UTP20: variants seen among roughly 807,000 people sequenced by gnomAD.
UTP20 encodes small subunit processome component 20 homolog.
UTP20 carries 164 observed loss-of-function variants against 329.5 expected under a neutral mutation model. That is an observed-to-expected ratio of 0.50 (90% CI 0.44 to 0.57). The LOEUF (loss-of-function observed/expected upper bound fraction) is 0.57, where lower values mean the gene tolerates loss of function less well. Ranked by LOEUF, UTP20 falls within the 20% of genes least tolerant of loss-of-function variation. The pLI is 0.00. For missense variants in UTP20, 3,055 were observed against 3,284.2 expected, an observed-to-expected ratio of 0.93 and a Z score of 1.71; for synonymous variants, 1,151 against 1,159.3, an observed-to-expected ratio of 0.99 and a Z score of 0.14.
rs183828431 is a variant in UTP20 at position 101,365,527 on chromosome 12, G to A, written c.6027G>A (p.Val2009=). ...KVHETLRRIT[V]GLIVNQEMTA... is the part of the protein sequence containing the mutation. ...ATGAAACTTTACGCCGAATCACAGT[G>A]GGATTAATTGTAAATCAGGAAATGA... is the stretch of plus-strand genomic sequence containing the variant. Residue 2009 remains valine, a synonymous_variant, in exon 46 of 62, where the codon GTG becomes GTA. Coordinates refer to ENST00000261637, the MANE Select transcript of UTP20 (RefSeq NM_014503.3). 2 of 1,612,750 alleles carry A rather than the reference G, an allele frequency of 1.2e-6. No individual in the cohort carries two copies. The highest frequency in any genetic ancestry group is 1.7e-6 in the Non-Finnish European group (2 of 1,179,622).
intron 48 of UTP20, among the ~76,000 whole-genome samples, chr12:101,369,059 T>A (rs1193978011): frequency 2.6e-5 from 4 of 152,246 alleles, no homozygotes; most frequent in African/African-American, 9.6e-5. Flanking sequence ...CACTTAACTA[T>A]ATTAAATGAT....
In UTP20 at chr12:101,362,047, A is replaced by T. The variant is rs1363503291; in HGVS notation, c.5777A>T (p.Asp1926Val). Residue 1926 changes from aspartate (D) to valine (V), a missense_variant, in exon 44 of 62, where the codon GAT becomes GTT. By Grantham distance (152) the Asp-to-Val change is radical (BLOSUM62 -3). This residue lies in a region of UTP20 where 2,445 missense variants were observed against 2,575.5 expected (regional missense o/e 0.95). Coordinates refer to ENST00000261637, the MANE Select transcript of UTP20 (RefSeq NM_014503.3). ...LQVGDLDSCLDIMIEIFNHEL... is the reference protein window; with the variant it reads ...LQVGDLDSCLVIMIEIFNHEL... ...GTCGGAGATTTGGACTCTTGTTTAG[A>T]TATAATGATTGAGGTAAGACTTACA... The T allele has an allele frequency of 6.2e-7, 1 of 1,613,006 alleles. No individual in the cohort carries two copies.
rs766484215 is a variant in UTP20, at chr12:101,373,738, A to G, written c.7102A>G (p.Met2368Val). 1.2e-6 allele frequency: 2 copies of G among 1,612,170 alleles called. No homozygotes were observed. The highest frequency in any genetic ancestry group is 8.5e-7 in the Non-Finnish European group (1 of 1,179,712). ...SLEKKDWLFD[M>V]VTTWFGAKKR... Reference sequence around the variant, plus strand: ...CGAGAAAAAAGATTGGCTGTTTGATATGGTTACCACTTGGTTTGGAGCAAA... The same window carrying G: ...CGAGAAAAAAGATTGGCTGTTTGATGTGGTTACCACTTGGTTTGGAGCAAA... Residue 2368 changes from methionine (M) to valine (V), a missense_variant, in exon 54 of 62, where the codon ATG becomes GTG. Around this residue, in one of 3 missense-constraint regions of UTP20, gnomAD observed 273 missense variants for 363.1 expected, o/e 0.75. Transcript: ENST00000261637.
chr12:101,385,260 C>T (rs1311778814), intron 60 of UTP20, among the ~76,000 whole-genome samples: 2 of 152,132 alleles, frequency 1.3e-5, no homozygotes, highest in African/African-American at 4.8e-5. Context: ...ACTTTAATGT[C>T]TTCAGGGCCA....
At chr12:101,287,476 G>A (rs889054502) in intron 5 of UTP20, among the ~76,000 whole-genome samples, 6 of 152,210 alleles carry the variant, frequency 3.9e-5, no homozygotes, top group African/African-American at 9.7e-5. Flanking sequence ...TTTGCTTTCG[G>A]TGTGACAACT....
At chr12:101,311,333 A>C (rs58803653) in intron 19 of UTP20, among the ~76,000 whole-genome samples, 4,998 of 152,310 alleles carry the variant, frequency 0.033, 303 homozygotes, top group African/African-American at 0.11. Context: ...GTATATTTAA[A>C]TTTGGTGGAG....
In UTP20 at chr12:101,288,986, A is replaced by G. The variant is rs146982196; in HGVS notation, c.542A>G (p.Lys181Arg). The G allele has an allele frequency of 1.1e-3, 1,735 of 1,613,912 alleles. 28 individuals are homozygous for G. In the African/African-American group the frequency reaches 0.019, roughly 18 times the overall value. Residue 181 changes from lysine (K) to arginine (R), a missense_variant, in exon 6 of 62, where the codon AAA becomes AGA. Physicochemically the swap from Lys to Arg is conservative, Grantham distance 26. This residue lies in a region of UTP20 where 2,445 missense variants were observed against 2,575.5 expected (regional missense o/e 0.95). Transcript: ENST00000261637. ...YSMYSTLLAHKKLHIRNFAAE... is the reference protein window; with the variant it reads ...YSMYSTLLAHRKLHIRNFAAE... ...ATGTACAGCACACTCCTGGCTCATA[A>G]AAAACTACATATAAGAAATTTTGCT...
chr12:101,383,091 T>G lies in UTP20; in HGVS notation c.7707T>G (p.Leu2569=). 1 of 1,613,188 alleles carries G rather than the reference T, an allele frequency of 6.2e-7. No homozygotes were observed. The highest frequency in any genetic ancestry group is 1.1e-5 in the South Asian group (1 of 90,848). The change falls in exon 59 of 62, where the codon CTT becomes CTG. Residue 2569 remains leucine, a synonymous_variant. Transcript: ENST00000261637. ...CCAAAGTCTTGTATTTACTGGAACT[T>G]TATTGTGAGGATAAGCAAAGTAAGA... The part of the protein sequence containing the change: ...FAAKVLYLLE[L]YCEDKQSKIK...
intron 21 of UTP20, among the ~76,000 whole-genome samples, chr12:101,316,945 G>A (rs2137256889): frequency 6.6e-6 from 1 of 152,234 alleles, no homozygotes; most frequent in African/African-American, 2.4e-5. Flanking sequence ...TTCATTACAT[G>A]GACATTCAGT....
At chr12:101,380,034 G>A (rs1870591633) in intron 57 of UTP20, among the ~76,000 whole-genome samples, 1 of 152,150 alleles carries the variant, frequency 6.6e-6, no homozygotes, top group Admixed American at 6.5e-5. Flanking sequence ...TGTCTGTCTT[G>A]CCTCCTAATA....
rs766142512 is a variant in UTP20, at chr12:101,379,504, A to C, written c.7530A>C (p.Lys2510Asn). ...IQKWNTKKTK[K>N]HLPEPVAIKF... The stretch of plus-strand genomic sequence containing the variant: ...AATGGAATACCAAAAAGACCAAAAA[A>C]CACCTCCCAGAACCTGTAGCAATCA... The change falls in exon 57 of 62, where the codon AAA becomes AAC. Residue 2510 changes from lysine to asparagine, a missense_variant. Physicochemically the swap from Lys to Asn is moderately conservative, Grantham distance 94. This residue lies in a region of UTP20 where 337 missense variants were observed against 345.5 expected (regional missense o/e 0.98). Transcript: ENST00000261637. The C allele has an allele frequency of 6.2e-7, 1 of 1,614,114 alleles. No individual in the cohort carries two copies. Among genetic ancestry groups the C allele is most frequent in the Non-Finnish European group, 8.5e-7 (1 of 1,179,996 alleles).
chr12:101,292,055 G>A lies in UTP20; in HGVS notation c.1124G>A (p.Gly375Asp), dbSNP rs760523413. ...LLDVISALILGENVSLPETLI... is the reference protein window; with the variant it reads ...LLDVISALILDENVSLPETLI... Reference sequence around the variant, plus strand: ...GATGTAATTTCTGCTTTGATCCTGGGTGAAAATGTTTCCTTGCCGGAGACC... The same window carrying A: ...GATGTAATTTCTGCTTTGATCCTGGATGAAAATGTTTCCTTGCCGGAGACC... The change falls in exon 10 of 62, where the codon GGT becomes GAT. Residue 375 changes from glycine (G) to aspartate (D), a missense_variant. Physicochemically the swap from Gly to Asp is moderately conservative, Grantham distance 94. Around this residue, in one of 3 missense-constraint regions of UTP20, gnomAD observed 2,445 missense variants for 2,575.5 expected, o/e 0.95. Transcript: ENST00000261637. 1 of 1,614,080 alleles carries A rather than the reference G, an allele frequency of 6.2e-7. No homozygotes were observed. Among genetic ancestry groups the A allele is most frequent in the Non-Finnish European group, 8.5e-7 (1 of 1,180,008 alleles).
intron 41 of UTP20, 108 bp from the exon 42 acceptor site, chr12:101,356,446 A>G (rs1268067456): frequency 5.8e-6 from 6 of 1,042,604 alleles, no homozygotes; most frequent in African/African-American, 3.3e-5. Context: ...TCTTTTTATG[A>G]TCATCCATCC....
intron 31 of UTP20, among the ~76,000 whole-genome samples, chr12:101,339,267 C>T (rs987836899): frequency 7.2e-5 from 11 of 152,152 alleles, no homozygotes; most frequent in Admixed American, 3.9e-4. Flanking sequence ...GAGCCGAGAT[C>T]GCGCCACTGC....
intron 41 of UTP20, 122 bp downstream of exon 41, chr12:101,355,240 A>T: frequency 8.8e-7 from 1 of 1,139,640 alleles, no homozygotes; most frequent in Non-Finnish European, 1.2e-6. Context: ...TTTTATCTCA[A>T]CACTTCACAA....
rs200061789 is a variant in UTP20, at chr12:101,357,076, A to T, written c.5685A>T (p.Gly1895=). 6 of 1,606,970 alleles carry T rather than the reference A, an allele frequency of 3.7e-6. No individual in the cohort carries two copies. In the Admixed American group the frequency reaches 5.1e-5, roughly 14 times the overall value. ...LKELQTTLVR[G]YQVHVLTFTV... ...AATTACAGACTACTCTTGTCCGTGG[A>T]TACCAGGTAAATTGCATCTTGTGCT... Residue 1895 remains glycine (G), a synonymous_variant, in exon 43 of 62, where the codon GGA becomes GGT. Coordinates refer to ENST00000261637, the MANE Select transcript of UTP20 (RefSeq NM_014503.3).
intron 29 of UTP20, among the ~76,000 whole-genome samples, chr12:101,336,609 C>G (rs1017529256): frequency 3.9e-5 from 6 of 152,216 alleles, no homozygotes; most frequent in African/African-American, 1.4e-4. Flanking sequence ...CCCAGCATAG[C>G]AGTCTCTTCT....
chr12:101,366,510 G>C, intron 46 of UTP20, 48 bp from the exon 47 acceptor site: 1 of 1,563,610 alleles, frequency 6.4e-7, no homozygotes, highest in Admixed American at 2.0e-5. Flanking sequence ...TTCTTGGAAT[G>C]CAGCTGACAG....
Position 101,345,608 on chromosome 12 carries a change from A to T in UTP20, c.4660A>T (p.Asn1554Tyr). The change falls in exon 37 of 62, where the codon AAC (asparagine) becomes TAC (tyrosine). Residue 1554 changes from asparagine to tyrosine, a missense_variant. Asn to Tyr is a moderately radical substitution (Grantham distance 143). Coordinates refer to ENST00000261637, the MANE Select transcript of UTP20 (RefSeq NM_014503.3). Reference sequence around the variant, plus strand: ...TTCCTGTTTAATTCAAACCTTTCCAAACCAACTGGAATTCAAAGACTTGGT... The same window carrying T: ...TTCCTGTTTAATTCAAACCTTTCCATACCAACTGGAATTCAAAGACTTGGT... Reference protein sequence around the residue: ...ILSCLIQTFPNQLEFKDLVQL... With the variant: ...ILSCLIQTFPYQLEFKDLVQL... 1.2e-6 allele frequency: 2 copies of T among 1,611,572 alleles called. No homozygotes were observed. Among genetic ancestry groups the T allele is most frequent in the Non-Finnish European group, 1.7e-6 (2 of 1,177,916 alleles).
Sources: gnomAD v4.1 joint callset for allele counts (sites outside exome capture counted in the v4.1 genomes callset) on GRCh38, gnomAD v4.1.1 for gene constraint, gnomAD v4.1.1 regional missense constraint, MANE v1.5 for transcripts, NCBI Gene and HGNC (gene_info 2026-07-23, HGNC 2026-07-21) for gene names.